Variants in PTPRN2 observed in about 807,000 individuals in gnomAD.
PTPRN2 encodes protein tyrosine phosphatase receptor type N2, also known as receptor-type tyrosine-protein phosphatase N2.
PTPRN2 carries 74 observed loss-of-function variants against 118.8 expected under a neutral mutation model. The ratio of observed to expected loss-of-function variants is 0.62; its 90% CI spans 0.52 to 0.76. The LOEUF (loss-of-function observed/expected upper bound fraction) is 0.76, where lower values mean the gene tolerates loss of function less well. PTPRN2 is among the 30% of genes least tolerant of loss of function. The pLI is 0.00. For synonymous variants in PTPRN2, 641 were observed against 608.0 expected, an observed-to-expected ratio of 1.05 and a Z score of -0.80; for missense variants, 1,481 against 1,394.4, an observed-to-expected ratio of 1.06 and a Z score of -0.99.
intron 12 of PTPRN2, among the ~76,000 whole-genome samples, chr7:157,767,515 C>T (rs1252454201): frequency 6.6e-6 from 1 of 152,184 alleles, no homozygotes; most frequent in East Asian, 1.9e-4. Flanking sequence ...TAAGAATGCT[C>T]ACGAATACAG....
intron 2 of PTPRN2, among the ~76,000 whole-genome samples, chr7:158,485,031 C>A (rs1024231210): frequency 1.4e-4 from 21 of 152,104 alleles, no homozygotes; most frequent in Non-Finnish European, 2.9e-4. Context: ...CGGCCGCCAG[C>A]GTCCCGGGAG....
In PTPRN2 at chr7:158,082,713, C is replaced by T. The variant is rs149795493; in HGVS notation, c.1644-1336G>A. Reference sequence around the variant, plus strand: ...GCTAGTCACCAAATTCTGCGGAAACCCTTGGAAAATGCACCATGTCCACCA... The same window carrying T: ...GCTAGTCACCAAATTCTGCGGAAACTCTTGGAAAATGCACCATGTCCACCA... On this transcript the variant is annotated intron_variant, in intron 10 of 22. Transcript: ENST00000389418. 2.5e-3 allele frequency among the ~76,000 whole-genome samples: 381 copies of T among 152,336 alleles called. 1 individual carries two copies. Among genetic ancestry groups the T allele is most frequent in the African/African-American group, 8.4e-3 (351 of 41,576 alleles).
rs57665784 is a variant in PTPRN2, at chr7:158,213,206, TTGTGTGTGTG to T, written c.278-7943_278-7934del. On this transcript the variant is annotated intron_variant, in intron 3 of 22. Coordinates refer to ENST00000389418, the MANE Select transcript of PTPRN2 (RefSeq NM_002847.5). ...TCTTCAAATCAGGATGGCTCTGTGC[TTGTGTGTGTG>T]TGTGTGTGTGTGTGTGTGTGTGTGT... 6.0e-3 allele frequency among the ~76,000 whole-genome samples: 839 copies of T among 140,386 alleles called. 3 individuals are homozygous for T. The highest frequency in any genetic ancestry group is 0.012 in the African/African-American group (438 of 37,728). 92.1% of individuals were successfully genotyped at this position (140,386 alleles called of 152,430 possible). A position where few individuals can be genotyped will look rare whatever the true frequency, so the allele number is the denominator to read the frequency against.
intron 10 of PTPRN2, among the ~76,000 whole-genome samples, chr7:158,084,518 A>C (rs954493614): frequency 6.6e-6 from 1 of 152,082 alleles, no homozygotes; most frequent in East Asian, 1.9e-4. Flanking sequence ...TTTCTGTACT[A>C]ATCAGGAAAT....
chr7:158,054,010 T>TGCAGAGACCCC (rs1809572078), intron 11 of PTPRN2, among the ~76,000 whole-genome samples: 2 of 85,400 alleles, frequency 2.3e-5, no homozygotes, highest in African/African-American at 4.0e-5. Context: ...GCAGAGACCC[T>TGCAGAGACCCC]AGAGACGCAG....
chr7:157,634,211 C>T (rs961289836), intron 14 of PTPRN2, among the ~76,000 whole-genome samples: 13 of 152,208 alleles, frequency 8.5e-5, no homozygotes, highest in South Asian at 6.2e-4. Flanking sequence ...CACAGAACCA[C>T]AGCAAGGAAA....
intron 11 of PTPRN2, among the ~76,000 whole-genome samples, chr7:157,922,840 T>C (rs984754528): frequency 1.3e-5 from 2 of 152,214 alleles, no homozygotes; most frequent in Admixed American, 1.3e-4. Flanking sequence ...CAGCTAATCC[T>C]GAGGTCACTC....
At chr7:157,700,359 A>C (rs1798003727) in intron 12 of PTPRN2, among the ~76,000 whole-genome samples, 1 of 152,116 alleles carries the variant, frequency 6.6e-6, no homozygotes, top group Non-Finnish European at 1.5e-5. Context: ...CTGCGGAAAA[A>C]CCAGGCTCAC....
chr7:157,794,459 T>C lies in PTPRN2; in HGVS notation c.1788+104214A>G, dbSNP rs1379146698. Among the ~76,000 whole-genome samples the C allele has an allele frequency of 6.6e-6, 1 of 152,230 alleles. No homozygotes were observed. Reference sequence around the variant, plus strand: ...TCTGAAAGCCCATTGTGTCTGCCCCTATTCTTTGAAGCTTCACTGCTTTCG... The same window carrying C: ...TCTGAAAGCCCATTGTGTCTGCCCCCATTCTTTGAAGCTTCACTGCTTTCG... On this transcript the variant is annotated intron_variant, in intron 12 of 22. Transcript: ENST00000389418. The surrounding 1 kb of genome is among the most constrained non-coding windows in gnomAD (Gnocchi z 5.2).
chr7:158,204,060 T>C (rs1261934088), intron 4 of PTPRN2, among the ~76,000 whole-genome samples: 1 of 132,750 alleles, frequency 7.5e-6, no homozygotes, highest in African/African-American at 2.9e-5. Flanking sequence ...ACACGGCCCC[T>C]GCCCTCAGCG....
chr7:158,435,280 C>T (rs561432212), intron 2 of PTPRN2, among the ~76,000 whole-genome samples: 8 of 152,186 alleles, frequency 5.3e-5, no homozygotes, highest in South Asian at 2.1e-4. Flanking sequence ...ATTTTTTAAA[C>T]GGGCAAAAGG....
Position 157,910,222 on chromosome 7 carries a change from G to A in PTPRN2, c.1724-11485C>T, listed in dbSNP as rs145154813. 2.5e-3 allele frequency among the ~76,000 whole-genome samples: 380 copies of A among 151,952 alleles called. 4 individuals carry two copies. The highest frequency in any genetic ancestry group is 8.0e-3 in the African/African-American group (332 of 41,288). On this transcript the variant is annotated intron_variant, in intron 11 of 22. Coordinates refer to ENST00000389418, the MANE Select transcript of PTPRN2 (RefSeq NM_002847.5). ...GCGTGCAGGATCACGCACGTACACC[G>A]TGGGAACGGGCGCAGGATCACGCAC...
chr7:158,068,718 T>A (rs565035639), intron 11 of PTPRN2, among the ~76,000 whole-genome samples: 1 of 152,302 alleles, frequency 6.6e-6, no homozygotes, highest in South Asian at 2.1e-4. Flanking sequence ...TTGGGGGATG[T>A]CATTTTGGTC....
At chr7:158,337,754 GAGGTGACACCTGCAAACGTCACTC>G (rs1805967898) in intron 2 of PTPRN2, among the ~76,000 whole-genome samples, 6 of 120,140 alleles carry the variant, frequency 5.0e-5, no homozygotes, top group Non-Finnish European at 6.9e-5. Flanking sequence ...CTCACCATAA[GAGGTGACACCTGCAAACGTCACTC>G]ACACCCACAC....
At chr7:157,702,243 G>C (rs1279273543) in intron 12 of PTPRN2, among the ~76,000 whole-genome samples, 1 of 151,158 alleles carries the variant, frequency 6.6e-6, no homozygotes, top group Admixed American at 6.6e-5. Context: ...AAGCCTGGTC[G>C]GTCCTGGTGT....
intron 3 of PTPRN2, among the ~76,000 whole-genome samples, chr7:158,213,111 T>C (rs1827719155): frequency 6.6e-6 from 1 of 152,138 alleles, no homozygotes; most frequent in South Asian, 2.1e-4. Flanking sequence ...TCCATAATTA[T>C]CTAATCACTA....
chr7:158,229,552 A>C (rs1429049727), intron 3 of PTPRN2, among the ~76,000 whole-genome samples: 1 of 152,082 alleles, frequency 6.6e-6, no homozygotes, highest in Non-Finnish European at 1.5e-5. Context: ...AATTTTTAAA[A>C]ATTCAAACAG....
chr7:157,800,825 A>G (rs577285944), intron 12 of PTPRN2, among the ~76,000 whole-genome samples: 200 of 151,770 alleles, frequency 1.3e-3, no homozygotes, highest in African/African-American at 2.4e-3. Flanking sequence ...GGTGGCGGGC[A>G]CCTGTAGTCC....
rs950083699 is a variant in PTPRN2 at position 157,690,627 on chromosome 7, C to T, written c.1789-7690G>A. Among the ~76,000 whole-genome samples the T allele has an allele frequency of 6.6e-6, 1 of 151,722 alleles. No homozygotes were observed. Among genetic ancestry groups the T allele is most frequent in the South Asian group, 2.1e-4 (1 of 4,830 alleles). The stretch of plus-strand genomic sequence containing the variant: ...CGCCGGGCCGAGCGGCCTCGGGGCG[C>T]AGCAGCTGCGGGTAGCGGCAGCGCC... On this transcript the variant is annotated intron_variant, in intron 12 of 22. Coordinates refer to ENST00000389418, the MANE Select transcript of PTPRN2 (RefSeq NM_002847.5). This position sits in a 1 kb window ranked among gnomAD's most constrained non-coding sequence, Gnocchi z 7.1.
Sources: allele counts gnomAD v4.1 joint callset (sites outside exome capture counted in the v4.1 genomes callset), GRCh38; gene constraint gnomAD v4.1.1; non-coding constraint Gnocchi (gnomAD v3.1); transcripts MANE v1.5; gene names NCBI Gene and HGNC (gene_info 2026-07-23, HGNC 2026-07-21).